ST7: variants seen among roughly 807,000 people sequenced by gnomAD.
ST7 encodes suppressor of tumorigenicity 7 protein.
A neutral mutation model predicts 78.7 loss-of-function variants in ST7; 28 were observed. That is an observed-to-expected ratio of 0.36 (90% CI 0.26 to 0.49). The LOEUF is 0.49. ST7 is among the 20% of genes least tolerant of loss of function. The pLI, the probability that ST7 is intolerant of heterozygous loss-of-function variation, is 0.99. For missense variants in ST7, 418 were observed against 696.0 expected (o/e 0.60, Z 4.49); for synonymous variants, 247 against 249.6 (o/e 0.99, Z 0.10).
chr7:117,123,823 G>A (rs1333549667), intron 3 of ST7, among the ~76,000 whole-genome samples: 1 of 152,068 alleles, frequency 6.6e-6, no homozygotes, highest in Non-Finnish European at 1.5e-5. Flanking sequence ...TCAGGATAAT[G>A]GGAAAAGTGG....
chr7:117,204,939 T>A (rs1333725966), intron 12 of ST7, among the ~76,000 whole-genome samples: 1 of 152,188 alleles, frequency 6.6e-6, no homozygotes, highest in Non-Finnish European at 1.5e-5. Context: ...TGGTGGCATA[T>A]GCCTTATAGT....
intron 1 of ST7, among the ~76,000 whole-genome samples, chr7:116,992,001 C>G (rs546190496): frequency 1.3e-5 from 2 of 152,144 alleles, no homozygotes; most frequent in Non-Finnish European, 2.9e-5. Flanking sequence ...TCTCACATCC[C>G]GGTCACACTG....
intron 2 of ST7, among the ~76,000 whole-genome samples, chr7:117,104,901 CA>C (rs1278035968): frequency 6.6e-6 from 1 of 152,126 alleles, no homozygotes; most frequent in African/African-American, 2.4e-5. Context: ...AGTGATTACC[CA>C]ATATCTCAGT....
chr7:117,109,962 T>G (rs1474578190), intron 2 of ST7, among the ~76,000 whole-genome samples: 3 of 152,202 alleles, frequency 2.0e-5, no homozygotes, highest in Non-Finnish European at 4.4e-5. Context: ...TTTCAATAGA[T>G]GCAGAAAAAA....
At chr7:117,132,019 C>CAGCAA in intron 6 of ST7, 59 bp downstream of exon 6, 14 of 1,466,772 alleles carry the variant, frequency 9.5e-6, no homozygotes, top group Non-Finnish European at 1.3e-5. Context: ...TGAATATATT[C>CAGCAA]AGTTGCCATT....
At chr7:116,962,687 A>G (rs1792892221) in intron 1 of ST7, among the ~76,000 whole-genome samples, 1 of 152,076 alleles carries the variant, frequency 6.6e-6, no homozygotes, top group African/African-American at 2.4e-5. Context: ...TGGATATTAG[A>G]CTTGGGCAGA....
intron 2 of ST7, among the ~76,000 whole-genome samples, chr7:117,105,425 T>C (rs892693801): frequency 2.6e-5 from 4 of 152,020 alleles, no homozygotes; most frequent in Non-Finnish European, 1.5e-5. Context: ...GGACCACAGG[T>C]GCGTGCCATC....
At chr7:117,071,217 C>T (rs769480172) in intron 1 of ST7, among the ~76,000 whole-genome samples, 1 of 152,014 alleles carries the variant, frequency 6.6e-6, no homozygotes, top group Non-Finnish European at 1.5e-5. Flanking sequence ...AGCGAGACTC[C>T]GTCTCAAAAC....
At chr7:116,958,714 A>G (rs1004698811) in intron 1 of ST7, 6 of 471,002 alleles carry the variant, frequency 1.3e-5, no homozygotes, top group African/African-American at 1.2e-4. Flanking sequence ...TTGGTTTCCC[A>G]GTGCATATAA....
intron 9 of ST7, among the ~76,000 whole-genome samples, chr7:117,154,447 A>G (rs1471648553): frequency 6.6e-6 from 1 of 152,214 alleles, no homozygotes; most frequent in African/African-American, 2.4e-5. Flanking sequence ...TGTGGCTGAC[A>G]GGGCTAGGAA....
intron 1 of ST7, among the ~76,000 whole-genome samples, chr7:117,014,466 C>T (rs1242188745): frequency 6.6e-6 from 1 of 152,134 alleles, no homozygotes; most frequent in Non-Finnish European, 1.5e-5. Flanking sequence ...CTTGCATCAC[C>T]TTTATTAGGT....
At chr7:117,089,647 C>A (rs1478278179) in intron 1 of ST7, among the ~76,000 whole-genome samples, 1 of 151,200 alleles carries the variant, frequency 6.6e-6, no homozygotes, top group African/African-American at 2.4e-5. Flanking sequence ...TCTCGGCTCA[C>A]TGCAACCTCT....
chr7:117,210,026 T>C, intron 13 of ST7, 89 bp downstream of exon 13: 1 of 1,442,440 alleles, frequency 6.9e-7, no homozygotes. Context: ...TAATGAAGAT[T>C]TACATATGTA....
At chr7:117,203,338 A>G (rs1344975296) in intron 12 of ST7, among the ~76,000 whole-genome samples, 2 of 152,262 alleles carry the variant, frequency 1.3e-5, no homozygotes, top group African/African-American at 4.8e-5. Context: ...TAGAAATATT[A>G]GCTCTATCAC....
intron 15 of ST7, among the ~76,000 whole-genome samples, chr7:117,226,886 T>G (rs1584647675): frequency 6.6e-6 from 1 of 152,300 alleles, no homozygotes; most frequent in Admixed American, 6.5e-5. Context: ...TTCTATACGT[T>G]GGAAGCATTG....
At chr7:116,980,192 C>G (rs1156711979) in intron 1 of ST7, among the ~76,000 whole-genome samples, 3 of 151,970 alleles carry the variant, frequency 2.0e-5, no homozygotes, top group Non-Finnish European at 4.4e-5. Flanking sequence ...TTCCTGGCCT[C>G]AAATGATATG....
At chr7:117,061,596 A>G (rs1346939363) in intron 1 of ST7, among the ~76,000 whole-genome samples, 1 of 152,190 alleles carries the variant, frequency 6.6e-6, no homozygotes, top group Non-Finnish European at 1.5e-5. Context: ...TCAGAAGACC[A>G]AAGGGCCTGA....
chr7:117,135,322 C>T (rs1445859498), intron 7 of ST7, among the ~76,000 whole-genome samples: 1 of 152,028 alleles, frequency 6.6e-6, no homozygotes, highest in African/African-American at 2.4e-5. Flanking sequence ...GTGCCTGGTA[C>T]AGTGCTTAAT....
chr7:117,159,534 G>A (rs548564537), intron 9 of ST7, among the ~76,000 whole-genome samples: 1 of 152,298 alleles, frequency 6.6e-6, no homozygotes, highest in African/African-American at 2.4e-5. Context: ...TAGTGAGCAT[G>A]TTTAAAGATT....
Sources: gnomAD v4.1 joint callset for allele counts (sites outside exome capture counted in the v4.1 genomes callset) on GRCh38, gnomAD v4.1.1 for gene constraint, MANE v1.5 for transcripts, NCBI Gene and HGNC (gene_info 2026-07-23, HGNC 2026-07-21) for gene names.